CA10: variants seen among roughly 807,000 people sequenced by gnomAD.
CA10 encodes the protein carbonic anhydrase-related protein 10.
CA10 carries 14 observed loss-of-function variants against 44.2 expected under a neutral mutation model. The ratio of observed to expected loss-of-function variants is 0.32; its 90% CI spans 0.21 to 0.50. The LOEUF (loss-of-function observed/expected upper bound fraction) is 0.50, where lower values mean the gene tolerates loss of function less well. Among genes scored for constraint, CA10 ranks in the 20% least tolerant of loss-of-function variants. The pLI is 0.99. For missense variants in CA10, 350 were observed against 409.7 expected, an observed-to-expected ratio of 0.85 and a Z score of 1.26; for synonymous variants, 159 against 141.6, an observed-to-expected ratio of 1.12 and a Z score of -0.87.
At chr17:51,992,297 T>C (rs1328686985) in intron 2 of CA10, among the ~76,000 whole-genome samples, 5 of 152,114 alleles carry the variant, frequency 3.3e-5, no homozygotes, top group Non-Finnish European at 7.4e-5. Context: ...GTTAAAACAA[T>C]AGTAGTCTCT....
chr17:51,849,266 A>ATATATATATATAT (rs1555605624), intron 3 of CA10, among the ~76,000 whole-genome samples: 4 of 68,470 alleles, frequency 5.8e-5, no homozygotes, highest in Admixed American at 1.7e-4. Context: ...TATATATATA[A>ATATATATATATAT]AACTAAGTTT....
chr17:51,946,979 T>G (rs1034737478), intron 2 of CA10, among the ~76,000 whole-genome samples: 1 of 152,062 alleles, frequency 6.6e-6, no homozygotes, highest in African/African-American at 2.4e-5. Flanking sequence ...TATTCGCACA[T>G]TTCTGTCAGC....
At chr17:52,133,701 A>G (rs1989291766) in intron 1 of CA10, among the ~76,000 whole-genome samples, 1 of 152,180 alleles carries the variant, frequency 6.6e-6, no homozygotes, top group Non-Finnish European at 1.5e-5. Context: ...CTCTGTTTTA[A>G]TAGATACAAT....
chr17:51,708,126 T>C (rs1915817945), intron 4 of CA10, among the ~76,000 whole-genome samples: 1 of 152,170 alleles, frequency 6.6e-6, no homozygotes, highest in Admixed American at 6.5e-5. Flanking sequence ...AATCAGATTC[T>C]ATTATTGAAG....
intron 3 of CA10, among the ~76,000 whole-genome samples, chr17:51,873,238 G>C (rs1979899489): frequency 6.6e-6 from 1 of 152,190 alleles, no homozygotes; most frequent in Admixed American, 6.6e-5. Flanking sequence ...GTACAGAACA[G>C]AGTAAGTACC....
chr17:51,848,199 T>C (rs944506157), intron 3 of CA10, among the ~76,000 whole-genome samples: 1 of 152,242 alleles, frequency 6.6e-6, no homozygotes, highest in Non-Finnish European at 1.5e-5. Flanking sequence ...CTTCATTTGG[T>C]TGATGCATCT....
intron 2 of CA10, among the ~76,000 whole-genome samples, chr17:52,019,561 T>G (rs978327563): frequency 2.6e-5 from 4 of 152,078 alleles, no homozygotes; most frequent in Non-Finnish European, 5.9e-5. Flanking sequence ...CTTTATAATT[T>G]TTTTTACTAT....
At chr17:52,109,825 G>A (rs1793701331) in intron 1 of CA10, among the ~76,000 whole-genome samples, 1 of 152,160 alleles carries the variant, frequency 6.6e-6, no homozygotes, top group South Asian at 2.1e-4. Context: ...CTTTCAGGCA[G>A]TCAATTTCAG....
chr17:52,070,222 A>G (rs1487012316), intron 2 of CA10, among the ~76,000 whole-genome samples: 1 of 152,224 alleles, frequency 6.6e-6, no homozygotes, highest in Non-Finnish European at 1.5e-5. Context: ...GTCATCTTTT[A>G]GTTGTCCACT....
intron 3 of CA10, among the ~76,000 whole-genome samples, chr17:51,789,843 C>T (rs1025335587): frequency 1.3e-5 from 2 of 152,218 alleles, no homozygotes; most frequent in African/African-American, 4.8e-5. Context: ...TGAAACCCAG[C>T]AAATGACTCT....
chr17:52,029,871 G>A (rs1986412894), intron 2 of CA10, among the ~76,000 whole-genome samples: 3 of 152,052 alleles, frequency 2.0e-5, no homozygotes, highest in Non-Finnish European at 4.4e-5. Context: ...ACTAAAAAGT[G>A]GATCTACTCT....
intron 3 of CA10, among the ~76,000 whole-genome samples, chr17:51,894,886 A>G (rs1224146717): frequency 6.6e-6 from 1 of 152,100 alleles, no homozygotes; most frequent in Admixed American, 6.6e-5. Context: ...AATCAAATAA[A>G]TAATAGAAAG....
chr17:51,775,562 G>A (rs1905787998), intron 3 of CA10, among the ~76,000 whole-genome samples: 1 of 152,116 alleles, frequency 6.6e-6, no homozygotes, highest in Non-Finnish European at 1.5e-5. Context: ...CATATTTATT[G>A]TGTATCTACT....
intron 3 of CA10, among the ~76,000 whole-genome samples, chr17:51,749,682 C>T (rs778385310): frequency 6.6e-6 from 1 of 152,200 alleles, no homozygotes; most frequent in Non-Finnish European, 1.5e-5. Flanking sequence ...GAACTATCAA[C>T]AGAAACTCTC....
intron 2 of CA10, among the ~76,000 whole-genome samples, chr17:51,978,186 A>G (rs980386375): frequency 6.6e-6 from 1 of 152,180 alleles, no homozygotes; most frequent in African/African-American, 2.4e-5. Context: ...TAAAGTTTAT[A>G]TAATAATTCA....
intron 4 of CA10, among the ~76,000 whole-genome samples, chr17:51,666,911 A>G (rs993631772): frequency 3.3e-5 from 5 of 152,250 alleles, no homozygotes; most frequent in Admixed American, 3.3e-4. Context: ...TGGCAAGCAC[A>G]GGAAAGTATT....
At chr17:52,125,847 G>A (rs1286150740) in intron 1 of CA10, among the ~76,000 whole-genome samples, 1 of 152,064 alleles carries the variant, frequency 6.6e-6, no homozygotes, top group Admixed American at 6.6e-5. Context: ...GACTGATTGA[G>A]GGTGACTGAT....
intron 2 of CA10, among the ~76,000 whole-genome samples, chr17:51,964,398 C>T (rs1322861078): frequency 6.6e-6 from 1 of 151,938 alleles, no homozygotes; most frequent in Non-Finnish European, 1.5e-5. Context: ...GACATTTTGA[C>T]CAGTTGGACC....
At chr17:51,951,221 A>G (rs1371843615) in intron 2 of CA10, among the ~76,000 whole-genome samples, 1 of 152,196 alleles carries the variant, frequency 6.6e-6, no homozygotes, top group Non-Finnish European at 1.5e-5. Flanking sequence ...TATTGAGCCA[A>G]TCATGAGAAG....
Sources: allele counts gnomAD v4.1 joint callset (sites outside exome capture counted in the v4.1 genomes callset), GRCh38; gene constraint gnomAD v4.1.1; transcripts MANE v1.5; gene names NCBI Gene and HGNC (gene_info 2026-07-23, HGNC 2026-07-21).